The following PRR5 variants were observed in gnomAD, a reference collection of about 807,000 sequenced individuals.
PRR5 encodes the protein proline rich 5.
Under a neutral mutation model 30.6 loss-of-function variants are expected in PRR5, and 25 were observed. The observed-to-expected ratio is 0.82, with a 90% CI of 0.60 to 1.14. PRR5 has a LOEUF of 1.14. Among genes scored for constraint, PRR5 ranks in the 50% most tolerant of loss-of-function variants. The pLI is 0.00. For missense variants in PRR5, 600 were observed against 547.1 expected (o/e 1.10, Z -0.96); for synonymous variants, 286 against 247.1 (o/e 1.16, Z -1.48).
chr22:44,699,168 C>T (rs1156349744), upstream of PRR5, among the ~76,000 whole-genome samples: 2 of 152,190 alleles, frequency 1.3e-5, no homozygotes, highest in Admixed American at 6.5e-5. Flanking sequence ...TCTGGCTGGC[C>T]GCTTCTCCCA....
At chr22:44,704,324 G>C (rs1926845199) in intron 1 of PRR5, among the ~76,000 whole-genome samples, 1 of 152,108 alleles carries the variant, frequency 6.6e-6, no homozygotes, top group Non-Finnish European at 1.5e-5. Context: ...GGGGCGTCCT[G>C]CTGCGGGTCC....
intron 1 of PRR5, among the ~76,000 whole-genome samples, chr22:44,694,695 C>G (rs1366549280): frequency 1.3e-5 from 2 of 152,166 alleles, no homozygotes; most frequent in Non-Finnish European, 2.9e-5. Flanking sequence ...ACTAACCCAC[C>G]TGTAAACTAG....
chr22:44,670,342 C>T (rs144516532), intron 1 of PRR5, among the ~76,000 whole-genome samples: 46 of 152,286 alleles, frequency 3.0e-4, no homozygotes, highest in Admixed American at 1.5e-3. Context: ...AATCGTGGGG[C>T]GGGGATTGCT....
At chr22:44,679,911 C>A (rs747610813) in intron 1 of PRR5, 1 of 1,556,190 alleles carries the variant, frequency 6.4e-7, no homozygotes, top group Non-Finnish European at 8.7e-7. Flanking sequence ...AGGGTGGCTA[C>A]GAGGGAGGCA....
At chr22:44,728,465 G>A (rs1359591932) in intron 4 of PRR5, among the ~76,000 whole-genome samples, 2 of 152,244 alleles carry the variant, frequency 1.3e-5, no homozygotes, top group Non-Finnish European at 2.9e-5. Flanking sequence ...ACACAGACAC[G>A]GACCCGAGGG....
upstream of PRR5, among the ~76,000 whole-genome samples, chr22:44,699,725 T>C (rs1227635206): frequency 2.6e-5 from 4 of 152,108 alleles, no homozygotes; most frequent in South Asian, 2.1e-4. Context: ...CTGAGCCTAA[T>C]TGAGAGTGAA....
intron 1 of PRR5, among the ~76,000 whole-genome samples, chr22:44,693,369 G>A (rs868586422): frequency 6.6e-6 from 1 of 151,954 alleles, no homozygotes; most frequent in East Asian, 1.9e-4. Flanking sequence ...GGCTGTGGGA[G>A]GATCGCCTGA....
At chr22:44,722,219 G>A (rs1016663169) in intron 2 of PRR5, among the ~76,000 whole-genome samples, 1 of 152,212 alleles carries the variant, frequency 6.6e-6, no homozygotes, top group African/African-American at 2.4e-5. Flanking sequence ...CTGGCCAGGA[G>A]CAGGGCCAGG....
chr22:44,669,339 GCTCTGGC>G (rs1923289669), intron 1 of PRR5, among the ~76,000 whole-genome samples: 1 of 152,200 alleles, frequency 6.6e-6, no homozygotes, highest in African/African-American at 2.4e-5. Context: ...GGCCCCCACC[GCTCTGGC>G]CTCTGGCCTG....
intron 1 of PRR5, among the ~76,000 whole-genome samples, chr22:44,706,662 A>G (rs1927252326): frequency 6.6e-6 from 1 of 151,964 alleles, no homozygotes; most frequent in African/African-American, 2.4e-5. Context: ...CCAAGTAGCT[A>G]CAGGTGTGTG....
At chr22:44,693,703 G>C (rs1925489225) in intron 1 of PRR5, among the ~76,000 whole-genome samples, 1 of 140,112 alleles carries the variant, frequency 7.1e-6, no homozygotes, top group Non-Finnish European at 1.5e-5. Flanking sequence ...ACTCGGCTCA[G>C]TGCAAGCTCT....
upstream of PRR5, among the ~76,000 whole-genome samples, chr22:44,700,264 G>A (rs900810891): frequency 6.6e-6 from 1 of 152,160 alleles, no homozygotes; most frequent in Non-Finnish European, 1.5e-5. Flanking sequence ...AGGAGTTTAA[G>A]ACCAGCCTGG....
intron 1 of PRR5, among the ~76,000 whole-genome samples, chr22:44,671,369 TTTTTC>T (rs1047082021): frequency 2.6e-5 from 4 of 152,104 alleles, no homozygotes; most frequent in African/African-American, 9.7e-5. Flanking sequence ...ACATCTCTCT[TTTTTC>T]TTATGTCTTA....
At chr22:44,670,142 T>C (rs1923341208) in intron 1 of PRR5, among the ~76,000 whole-genome samples, 1 of 152,156 alleles carries the variant, frequency 6.6e-6, no homozygotes, top group Admixed American at 6.5e-5. Flanking sequence ...GACAAAGTCA[T>C]CTACCTTCCT....
chr22:44,736,062 G>C (rs971981894), intron 7 of PRR5, among the ~76,000 whole-genome samples: 9 of 152,190 alleles, frequency 5.9e-5, no homozygotes, highest in Admixed American at 5.2e-4. Context: ...GGTCCTGCAT[G>C]GGAACCTGAA....
At chr22:44,710,405 G>A (rs372757873) in intron 1 of PRR5, among the ~76,000 whole-genome samples, 1 of 152,144 alleles carries the variant, frequency 6.6e-6, no homozygotes, top group South Asian at 2.1e-4. Context: ...GGGCTGGGGG[G>A]GCTTCCTAGA....
intron 6 of PRR5, chr22:44,734,156 C>T (rs7289791): frequency 0.078 from 11,849 of 152,324 alleles, 879 homozygotes; most frequent in African/African-American, 0.19. Context: ...CCTGTAGTCC[C>T]AGCTACTCGG....
intron 4 of PRR5, chr22:44,730,386 G>C: frequency 1.0e-6 from 1 of 985,060 alleles, no homozygotes; most frequent in Non-Finnish European, 1.2e-6. Flanking sequence ...TCCTTGGACT[G>C]TGCATCCCTG....
upstream of PRR5, among the ~76,000 whole-genome samples, chr22:44,674,489 G>A (rs535081514): frequency 1.3e-4 from 20 of 152,204 alleles, no homozygotes; most frequent in East Asian, 3.7e-3. Context: ...TTGGGAGGCT[G>A]AGGCGGGCGG....
Sources: allele counts gnomAD v4.1 joint callset (sites outside exome capture counted in the v4.1 genomes callset), GRCh38; gene constraint gnomAD v4.1.1; transcripts MANE v1.5; gene names NCBI Gene and HGNC (gene_info 2026-07-23, HGNC 2026-07-21).